The following ZMIZ1 variants were observed in gnomAD, a reference collection of about 807,000 sequenced individuals.
ZMIZ1 encodes the protein zinc finger MIZ-type containing 1.
ZMIZ1 carries 17 observed loss-of-function variants against 113.9 expected under a neutral mutation model. That is an observed-to-expected ratio of 0.15 (90% confidence interval 0.10 to 0.22). The LOEUF (loss-of-function observed/expected upper bound fraction) is 0.22, where lower values mean the gene tolerates loss of function less well. Among genes scored for constraint, ZMIZ1 ranks in the 10% least tolerant of loss-of-function variants. The pLI, the probability that ZMIZ1 is intolerant of heterozygous loss-of-function variation, is 1.00. For synonymous variants in ZMIZ1, 607 were observed against 603.1 expected (o/e 1.01, Z -0.09); for missense variants, 1,059 against 1,477.8 (o/e 0.72, Z 4.65).
At chr10:79,290,419 A>T (rs1024792078) in intron 9 of ZMIZ1, among the ~76,000 whole-genome samples, 1 of 152,094 alleles carries the variant, frequency 6.6e-6, no homozygotes, top group South Asian at 2.1e-4. Context: ...CTGTGGCTAC[A>T]TGGAAGGCTC....
In ZMIZ1 at chr10:79,310,840, G is replaced by T. The variant is rs1015136632; in HGVS notation, c.2836-84G>T. On this transcript the variant is annotated intron_variant, in intron 23 of 24. Transcript: ENST00000334512. The stretch of plus-strand genomic sequence containing the variant: ...TTCGGGGGTTGTGACTTCCCTGGTT[G>T]TGTTGGGTTTCATTTTCTCCAGGCA... 13 of 1,460,108 alleles carry T rather than the reference G, an allele frequency of 8.9e-6. No homozygotes were observed. In the African/African-American group the frequency reaches 1.5e-4, roughly 17 times the overall value. 90.4% of individuals were successfully genotyped at this position (1,460,108 alleles called of 1,614,324 possible).
At chr10:79,108,193 A>G (rs1843623454) in intron 1 of ZMIZ1, among the ~76,000 whole-genome samples, 1 of 152,196 alleles carries the variant, frequency 6.6e-6, no homozygotes, top group Non-Finnish European at 1.5e-5. Flanking sequence ...ATTAATCAGC[A>G]TCCACAGAGG....
In ZMIZ1 at chr10:79,139,672, G is replaced by A. The variant is rs983411330; in HGVS notation, c.-226-10G>A. The A allele has an allele frequency of 8.3e-5, 33 of 398,776 alleles. No individual in the cohort carries two copies. The Admixed American group carries it at 1.4e-3, about 17-fold the overall frequency. 24.7% of individuals were successfully genotyped at this position (398,776 alleles called of 1,614,324 possible). A position where few individuals can be genotyped will look rare whatever the true frequency, so the allele number is the denominator to read the frequency against. On this transcript the variant is annotated splice_polypyrimidine_tract_variant and intron_variant, in intron 2 of 24. Transcript: ENST00000334512. ...CTCACACACGTCTCATCTCTCCCCT[G>A]TGTACCCAGGAGGAAGAGGAGGAGG...
intron 1 of ZMIZ1, among the ~76,000 whole-genome samples, chr10:79,079,576 AG>A (rs1300690172): frequency 1.3e-5 from 2 of 152,216 alleles, no homozygotes; most frequent in African/African-American, 4.8e-5. Context: ...GTTCCTGGCA[AG>A]GAAACTGTGA....
chr10:79,168,852 C>G (rs1846479469), intron 4 of ZMIZ1, among the ~76,000 whole-genome samples: 2 of 152,122 alleles, frequency 1.3e-5, no homozygotes, highest in Admixed American at 1.3e-4. Context: ...TGAGCTGGGC[C>G]CCAGAAAACT....
chr10:79,114,976 A>T (rs993664116), intron 1 of ZMIZ1, among the ~76,000 whole-genome samples: 1 of 152,108 alleles, frequency 6.6e-6, no homozygotes, highest in African/African-American at 2.4e-5. Context: ...TAAAAATTTA[A>T]ATTTCTGGGC....
intron 24 of ZMIZ1, 45 bp downstream of exon 24, chr10:79,311,229 CG>C: frequency 6.9e-7 from 1 of 1,456,918 alleles, no homozygotes; most frequent in Non-Finnish European, 9.2e-7. Flanking sequence ...CTAGGCCTGG[CG>C]CCGGGACCTG....
chr10:79,261,447 G>A (rs527685274), intron 7 of ZMIZ1, among the ~76,000 whole-genome samples: 1 of 152,320 alleles, frequency 6.6e-6, no homozygotes, highest in Admixed American at 6.5e-5. Flanking sequence ...CACTGCAGAG[G>A]CCTAAACAAA....
chr10:79,181,164 C>T (rs1847109730), intron 4 of ZMIZ1, among the ~76,000 whole-genome samples: 1 of 152,128 alleles, frequency 6.6e-6, no homozygotes, highest in Non-Finnish European at 1.5e-5. Flanking sequence ...CAGGCTTGGG[C>T]AGGAGCAGGG....
At chr10:79,311,315 C>A in intron 24 of ZMIZ1, 131 bp downstream of exon 24, 1 of 1,060,320 alleles carries the variant, frequency 9.4e-7, no homozygotes, top group Non-Finnish European at 1.3e-6. Context: ...AGGGCTTCAC[C>A]CAGACCTGGC....
intron 6 of ZMIZ1, among the ~76,000 whole-genome samples, chr10:79,213,515 C>T (rs1351050498): frequency 2.0e-5 from 3 of 152,224 alleles, no homozygotes; most frequent in Admixed American, 1.3e-4. Flanking sequence ...ACTCCCTGCT[C>T]CAGCACCCAC....
intron 4 of ZMIZ1, among the ~76,000 whole-genome samples, chr10:79,176,557 C>A (rs928104772): frequency 6.6e-6 from 1 of 152,014 alleles, no homozygotes; most frequent in African/African-American, 2.4e-5. Flanking sequence ...GCATAACATT[C>A]GGTGCACACT....
chr10:79,214,268 A>G (rs973917928), intron 6 of ZMIZ1, among the ~76,000 whole-genome samples: 1 of 152,212 alleles, frequency 6.6e-6, no homozygotes, highest in African/African-American at 2.4e-5. Context: ...CCCGTGGGAA[A>G]GAGGCCTAAG....
chr10:79,275,858 A>G (rs920262067), intron 7 of ZMIZ1, among the ~76,000 whole-genome samples: 5 of 152,170 alleles, frequency 3.3e-5, no homozygotes, highest in African/African-American at 1.2e-4. Context: ...AATGAGGATA[A>G]TAATAGCTAA....
intron 7 of ZMIZ1, among the ~76,000 whole-genome samples, chr10:79,254,389 G>A (rs1156260067): frequency 6.6e-6 from 1 of 152,228 alleles, no homozygotes; most frequent in Non-Finnish European, 1.5e-5. Context: ...ATCAGTGCAG[G>A]GCACAGAAGC....
rs538317849 is a variant in ZMIZ1, at chr10:79,247,878, A to T, written c.281-29303A>T. Among the ~76,000 whole-genome samples, 9 of 152,264 alleles carry T rather than the reference A, an allele frequency of 5.9e-5. No individual in the cohort carries two copies. The East Asian group carries it at 1.2e-3, about 20-fold the overall frequency. ...GGCTCCCAACACTAGCCCTGAAGTGATTGTATCTGTAGTCTGGTGCCAAAT... is the reference window on the plus strand; with the variant it reads ...GGCTCCCAACACTAGCCCTGAAGTGTTTGTATCTGTAGTCTGGTGCCAAAT... On this transcript the variant is annotated intron_variant, in intron 7 of 24. Coordinates refer to ENST00000334512, the MANE Select transcript of ZMIZ1 (RefSeq NM_020338.4).
Position 79,297,608 on chromosome 10 carries a change from A to G in ZMIZ1, c.1414-5A>G. The G allele has an allele frequency of 6.2e-7, 1 of 1,613,712 alleles. No homozygotes were observed. Among genetic ancestry groups the G allele is most frequent in the South Asian group, 1.1e-5 (1 of 91,058 alleles). On this transcript the variant is annotated splice_polypyrimidine_tract_variant and splice_region_variant and intron_variant, in intron 13 of 24. Coordinates refer to ENST00000334512, the MANE Select transcript of ZMIZ1 (RefSeq NM_020338.4). Reference sequence around the variant, plus strand: ...CACTCAGTGTTGTTTATCTTGTTTTAATAGCCAGAACAGTTTAATGGACAA... The same window carrying G: ...CACTCAGTGTTGTTTATCTTGTTTTGATAGCCAGAACAGTTTAATGGACAA...
At chr10:79,273,503 G>T (rs975325818) in intron 7 of ZMIZ1, among the ~76,000 whole-genome samples, 1 of 152,164 alleles carries the variant, frequency 6.6e-6, no homozygotes, top group Non-Finnish European at 1.5e-5. Flanking sequence ...GATTAGAGGC[G>T]CTGGCTACCA....
At chr10:79,133,390 G>A (rs1456508957) in intron 2 of ZMIZ1, among the ~76,000 whole-genome samples, 4 of 152,160 alleles carry the variant, frequency 2.6e-5, no homozygotes, top group Admixed American at 6.5e-5. Context: ...TGGTTTCTCC[G>A]GAGTTCCGGG....
Sources: gnomAD v4.1 joint callset for allele counts (sites outside exome capture counted in the v4.1 genomes callset) on GRCh38, gnomAD v4.1.1 for gene constraint, MANE v1.5 for transcripts, NCBI Gene and HGNC (gene_info 2026-07-23, HGNC 2026-07-21) for gene names.